ROBO1: variants seen among roughly 807,000 people sequenced by gnomAD.
ROBO1 encodes the protein roundabout homolog 1.
Under a neutral mutation model 195.9 loss-of-function variants are expected in ROBO1, and 149 were observed. That is an observed-to-expected ratio of 0.76 (90% CI 0.67 to 0.87). The LOEUF is 0.87. Ranked by LOEUF, ROBO1 falls within the 40% of genes least tolerant of loss-of-function variation. ROBO1 has a pLI of 0.00. For synonymous variants in ROBO1, 816 were observed against 733.2 expected (o/e 1.11, Z -1.82); for missense variants, 1,933 against 2,068.3 (o/e 0.93, Z 1.27).
At chr3:79,569,145 C>G (rs1943190427) in intron 2 of ROBO1, among the ~76,000 whole-genome samples, 1 of 152,186 alleles carries the variant, frequency 6.6e-6, no homozygotes, top group Admixed American at 6.5e-5. Context: ...CACACACACA[C>G]ACGCACGATT....
intron 2 of ROBO1, among the ~76,000 whole-genome samples, chr3:79,270,179 TTCTCTC>T (rs138141200): frequency 0.16 from 23,037 of 140,602 alleles, 1,949 homozygotes; most frequent in East Asian, 0.3. Context: ...ATACATAATG[TTCTCTC>T]TCTCTCTCTC....
intron 3 of ROBO1, among the ~76,000 whole-genome samples, chr3:79,061,201 C>T (rs566082810): frequency 6.6e-6 from 1 of 152,252 alleles, no homozygotes; most frequent in South Asian, 2.1e-4. Context: ...CTCCTATACG[C>T]TAATAACAGA....
chr3:79,198,197 CTTGAG>C (rs1252557947), intron 2 of ROBO1, among the ~76,000 whole-genome samples: 2 of 152,004 alleles, frequency 1.3e-5, no homozygotes, highest in Non-Finnish European at 2.9e-5. Flanking sequence ...TTTAATTCTT[CTTGAG>C]TTAATTTTTG....
At chr3:79,174,268 G>A (rs1448310266) in intron 2 of ROBO1, among the ~76,000 whole-genome samples, 3 of 151,854 alleles carry the variant, frequency 2.0e-5, no homozygotes, top group Non-Finnish European at 4.4e-5. Flanking sequence ...TGAAGCCAGC[G>A]AGCCCACGAG....
intron 2 of ROBO1, among the ~76,000 whole-genome samples, chr3:79,254,950 T>A (rs2108921322): frequency 6.6e-6 from 1 of 152,260 alleles, no homozygotes; most frequent in South Asian, 2.1e-4. Flanking sequence ...CATGAGCAAA[T>A]GATCATCAAA....
rs186062329 is a variant in ROBO1 at position 79,323,270 on chromosome 3, C to G, written c.89-197731G>C. ...CTAATTTTTGTATTTTTAGTAGAGA[C>G]GGGGTTTCATCATGTTGGCCAGGCT... On this transcript the variant is annotated intron_variant, in intron 2 of 30. Coordinates refer to ENST00000464233, the MANE Select transcript of ROBO1 (RefSeq NM_002941.4). Among the ~76,000 whole-genome samples, 402 of 151,950 alleles carry G rather than the reference C, an allele frequency of 2.6e-3. 3 individuals carry two copies. Among genetic ancestry groups the G allele is most frequent in the Non-Finnish European group, 4.3e-3 (289 of 67,942 alleles).
chr3:79,487,353 C>A (rs1229110847), intron 2 of ROBO1, among the ~76,000 whole-genome samples: 1 of 66,854 alleles, frequency 1.5e-5, no homozygotes, highest in Non-Finnish European at 2.8e-5. Context: ...GACCACAGTA[C>A]TGTTTGCAAT....
intron 2 of ROBO1, among the ~76,000 whole-genome samples, chr3:79,254,804 A>G (rs1260237730): frequency 2.0e-5 from 3 of 152,040 alleles, no homozygotes; most frequent in African/African-American, 7.2e-5. Context: ...AGTAACCAAG[A>G]CTGTAGTATG....
chr3:78,706,171 A>G (rs2081546709), intron 8 of ROBO1, among the ~76,000 whole-genome samples: 1 of 151,986 alleles, frequency 6.6e-6, no homozygotes, highest in South Asian at 2.1e-4. Flanking sequence ...GTGTCTGAAA[A>G]GCTTGCTGGA....
intron 2 of ROBO1, among the ~76,000 whole-genome samples, chr3:79,251,724 T>G (rs2082732988): frequency 6.6e-6 from 1 of 152,112 alleles, no homozygotes; most frequent in South Asian, 2.1e-4. Flanking sequence ...CACTCCAGCC[T>G]GGGTGACAGA....
intron 2 of ROBO1, among the ~76,000 whole-genome samples, chr3:79,530,747 C>A (rs1264280588): frequency 1.4e-5 from 2 of 140,870 alleles, no homozygotes; most frequent in South Asian, 2.3e-4. Context: ...TTCACCCACA[C>A]CTTGTAACCA....
chr3:79,264,858 T>C (rs545107081), intron 2 of ROBO1, among the ~76,000 whole-genome samples: 1 of 152,074 alleles, frequency 6.6e-6, no homozygotes, highest in East Asian at 1.9e-4. Context: ...CACTTAGTAC[T>C]AATCTCAGTT....
intron 3 of ROBO1, among the ~76,000 whole-genome samples, chr3:79,032,616 G>T (rs1276626176): frequency 6.6e-6 from 1 of 151,830 alleles, no homozygotes; most frequent in African/African-American, 2.4e-5. Flanking sequence ...TGTAGTTTTT[G>T]AAATGTTCTC....
At chr3:79,688,172 A>G (rs1290253965) in intron 1 of ROBO1, among the ~76,000 whole-genome samples, 2 of 142,512 alleles carry the variant, frequency 1.4e-5, no homozygotes, top group Admixed American at 7.4e-5. Context: ...TGAACAATGA[A>G]AACACATGGA....
intron 3 of ROBO1, among the ~76,000 whole-genome samples, chr3:78,947,659 G>T (rs1039313222): frequency 6.6e-6 from 1 of 152,054 alleles, no homozygotes. Flanking sequence ...CAGAACACAA[G>T]AAATAACCAA....
At chr3:79,432,457 A>C (rs113209496) in intron 2 of ROBO1, among the ~76,000 whole-genome samples, 201 of 152,304 alleles carry the variant, frequency 1.3e-3, no homozygotes, top group African/African-American at 4.5e-3. Flanking sequence ...CTATCTTGTT[A>C]ATAGGTTTCT....
chr3:79,196,242 T>C (rs1194344229), intron 2 of ROBO1, among the ~76,000 whole-genome samples: 4 of 151,192 alleles, frequency 2.6e-5, no homozygotes, highest in Non-Finnish European at 4.4e-5. Context: ...CATCTATCAC[T>C]TCACGTAGAG....
At chr3:78,916,752 T>C (rs1259583110) in intron 4 of ROBO1, among the ~76,000 whole-genome samples, 2 of 152,160 alleles carry the variant, frequency 1.3e-5, no homozygotes, top group Admixed American at 6.5e-5. Context: ...TTAAATAATG[T>C]AGTTTCTGGA....
intron 2 of ROBO1, among the ~76,000 whole-genome samples, chr3:79,225,432 T>C (rs1378793753): frequency 6.6e-6 from 1 of 152,176 alleles, no homozygotes; most frequent in Admixed American, 6.5e-5. Context: ...AGTCCTATAA[T>C]TCTCCCCACT....
Sources: gnomAD v4.1 joint callset for allele counts (sites outside exome capture counted in the v4.1 genomes callset) on GRCh38, gnomAD v4.1.1 for gene constraint, MANE v1.5 for transcripts, NCBI Gene and HGNC (gene_info 2026-07-23, HGNC 2026-07-21) for gene names.